The following ZNF705G variants were observed in gnomAD, a reference collection of about 807,000 sequenced individuals.
ZNF705G encodes the protein putative zinc finger protein 705G.
A neutral mutation model predicts 19.6 loss-of-function variants in ZNF705G; 23 were observed. The ratio of observed to expected loss-of-function variants is 1.17; its 90% confidence interval spans 0.84 to 1.66. The LOEUF (loss-of-function observed/expected upper bound fraction) is 1.66, where lower values mean the gene tolerates loss of function less well. Ranked by LOEUF, ZNF705G falls within the 40% of genes most tolerant of loss-of-function variation. The probability of loss-of-function intolerance (pLI) is 0.00; values close to 1 mark genes in which losing one functional copy is unlikely to be tolerated. For missense variants in ZNF705G, 457 were observed against 354.4 expected (o/e 1.29, Z -2.32); for synonymous variants, 146 against 117.7 (o/e 1.24, Z -1.56).
At chr8:7,385,085 G>A (rs1249642899) in intron 1 of ZNF705G, among the ~76,000 whole-genome samples, 1 of 147,584 alleles carries the variant, frequency 6.8e-6, no homozygotes, top group South Asian at 2.1e-4. Flanking sequence ...GTGTTTGACA[G>A]CAATAGAGCT....
chr8:7,375,971 A>G lies in ZNF705G; in HGVS notation c.-72+5481T>C, dbSNP rs1178959264. Among the ~76,000 whole-genome samples the G allele has an allele frequency of 7.2e-5, 6 of 83,202 alleles. 3 individuals are homozygous for G. The highest frequency in any genetic ancestry group is 1.4e-4 in the Non-Finnish European group (6 of 43,960). 54.6% of individuals were successfully genotyped at this position (83,202 alleles called of 152,430 possible). A position where few individuals can be genotyped will look rare whatever the true frequency, so the allele number is the denominator to read the frequency against. ...AGGTCAGTGGTTCATCCTCTACACT[A>G]TACTAATCTCTTATGACTCTTCCAG... On this transcript the variant is annotated intron_variant, in intron 2 of 6. Coordinates refer to ENST00000400156, the MANE Select transcript of ZNF705G (RefSeq NM_001164457.3).
rs972444325 is a variant in ZNF705G, at chr8:7,371,059, G to C, written c.-71-8042C>G. 2.2e-5 allele frequency among the ~76,000 whole-genome samples: 3 copies of C among 139,038 alleles called. No individual in the cohort carries two copies. The South Asian group carries it at 7.3e-4, about 34-fold the overall frequency. 91.2% of individuals were successfully genotyped at this position (139,038 alleles called of 152,430 possible). A position where few individuals can be genotyped will look rare whatever the true frequency, so the allele number is the denominator to read the frequency against. On this transcript the variant is annotated intron_variant, in intron 2 of 6. Transcript: ENST00000400156. ...AGGGGAACAACACACACTGGGGCCT[G>C]TTGGGAGGCAGGTGGAGGGAGAGTA... is the stretch of plus-strand genomic sequence containing the variant.
At chr8:7,385,076 T>G (rs2128850465) in intron 1 of ZNF705G, among the ~76,000 whole-genome samples, 1 of 147,684 alleles carries the variant, frequency 6.8e-6, no homozygotes, top group South Asian at 2.1e-4. Context: ...TAGTTCTGTG[T>G]GTTTGACAGC....
At chr8:7,361,706 C>G (rs1432305277) in intron 3 of ZNF705G, among the ~76,000 whole-genome samples, 3 of 149,534 alleles carry the variant, frequency 2.0e-5, no homozygotes, top group African/African-American at 7.7e-5. Context: ...GGTTAAAAGA[C>G]CTATGATGTG....
intron 2 of ZNF705G, among the ~76,000 whole-genome samples, chr8:7,365,649 C>T (rs763459454): frequency 6.7e-6 from 1 of 149,386 alleles, no homozygotes; most frequent in Admixed American, 6.6e-5. Flanking sequence ...GGATTACAGG[C>T]GTGAGCCACC....
rs887888299 is a variant in ZNF705G, at chr8:7,361,874, G to C, written c.13-638C>G. ...TGAACAAGCTTTATGCAGAATATAG[G>C]ATTCAATTCATATATATAGTCTCTC... is the stretch of plus-strand genomic sequence containing the variant. On this transcript the variant is annotated intron_variant, in intron 3 of 6. Coordinates refer to ENST00000400156, the MANE Select transcript of ZNF705G (RefSeq NM_001164457.3). Among the ~76,000 whole-genome samples, 6 of 149,580 alleles carry C rather than the reference G, an allele frequency of 4.0e-5. 1 individual carries two copies. The highest frequency in any genetic ancestry group is 1.5e-4 in the African/African-American group (6 of 38,998).
At chr8:7,365,936 G>A (rs1183080385) in intron 2 of ZNF705G, among the ~76,000 whole-genome samples, 2 of 149,194 alleles carry the variant, frequency 1.3e-5, no homozygotes, top group Admixed American at 6.6e-5. Flanking sequence ...CTTTAATTCA[G>A]AACTGCAGTC....
At chr8:7,362,727 C>G (rs1220878496) in intron 3 of ZNF705G, among the ~76,000 whole-genome samples, 1 of 149,300 alleles carries the variant, frequency 6.7e-6, no homozygotes. Flanking sequence ...GATACCCAAC[C>G]TAGAGTCCTG....
chr8:7,366,439 A>C (rs1243134608), intron 2 of ZNF705G, among the ~76,000 whole-genome samples: 3 of 149,750 alleles, frequency 2.0e-5, no homozygotes, highest in Admixed American at 1.3e-4. Flanking sequence ...TAAAAAAAGG[A>C]ATATGCAACA....
At position 7,357,527 on chromosome 8, in the gene ZNF705G, G is replaced by A. The variant is rs1480063081; in HGVS notation, c.*449C>T. The A allele has an allele frequency of 7.8e-5, 16 of 204,114 alleles. No homozygotes were observed. Among genetic ancestry groups the A allele is most frequent in the Admixed American group, 7.8e-4 (15 of 19,296 alleles). The allele number at this position is 204,114 out of a possible 1,614,324, so 12.6% of individuals were successfully genotyped here. A position where few individuals can be genotyped will look rare whatever the true frequency, so the allele number is the denominator to read the frequency against. ...AGAGTTAGAGATTCTCTACCTGAAAGTCCCACATGTTTTAAGTTATAGCTG... is the reference window on the plus strand; with the variant it reads ...AGAGTTAGAGATTCTCTACCTGAAAATCCCACATGTTTTAAGTTATAGCTG... On this transcript the variant is annotated 3_prime_UTR_variant, in exon 7 of 7. Transcript: ENST00000400156.
intron 5 of ZNF705G, 64 bp from the exon 6 acceptor site, chr8:7,359,765 C>A: frequency 6.2e-7 from 1 of 1,601,892 alleles, no homozygotes; most frequent in South Asian, 1.1e-5. Flanking sequence ...TTGAAAAGCC[C>A]CAAAGCCCAC....
intron 3 of ZNF705G, among the ~76,000 whole-genome samples, chr8:7,362,364 A>C (rs1806642769): frequency 6.7e-6 from 1 of 149,720 alleles, no homozygotes; most frequent in South Asian, 2.1e-4. Context: ...AAGCTCAAAT[A>C]CATTTTATCA....
At position 7,365,436 on chromosome 8, in the gene ZNF705G, T is replaced by C. The variant is rs536895595; in HGVS notation, c.-71-2419A>G. 5.6e-5 allele frequency among the ~76,000 whole-genome samples: 8 copies of C among 143,996 alleles called. No individual in the cohort carries two copies. The South Asian group carries it at 1.3e-3, about 23-fold the overall frequency. 94.5% of individuals were successfully genotyped at this position (143,996 alleles called of 152,430 possible). On this transcript the variant is annotated intron_variant, in intron 2 of 6. Coordinates refer to ENST00000400156, the MANE Select transcript of ZNF705G (RefSeq NM_001164457.3). ...TCTTGTTGCCCAGGCTGGAGTGCAG[T>C]GGCGCGATCTCGGCTCACCGCAACC...
intron 2 of ZNF705G, among the ~76,000 whole-genome samples, chr8:7,380,085 G>C (rs1380706775): frequency 7.0e-6 from 1 of 143,752 alleles, no homozygotes; most frequent in Admixed American, 6.7e-5. Flanking sequence ...CCATTCACTA[G>C]GGAGGCTGCC....
At position 7,361,245 on chromosome 8, in the gene ZNF705G, T is replaced by A; in HGVS notation, c.13-9A>T. On this transcript the variant is annotated splice_polypyrimidine_tract_variant and intron_variant, in intron 3 of 6. Coordinates refer to ENST00000400156, the MANE Select transcript of ZNF705G (RefSeq NM_001164457.3). ...TCAAAAGTCAGTTTCTTCTAAAACA[T>A]CACAGACATTTTAGTTTAGACAGAG... The A allele has an allele frequency of 6.3e-7, 1 of 1,592,582 alleles. No individual in the cohort carries two copies. Among genetic ancestry groups the A allele is most frequent in the South Asian group, 1.1e-5 (1 of 90,710 alleles).
At chr8:7,370,537 G>C (rs564026139) in intron 2 of ZNF705G, among the ~76,000 whole-genome samples, 1 of 147,858 alleles carries the variant, frequency 6.8e-6, no homozygotes, top group Non-Finnish European at 1.5e-5. Context: ...CAGTATGAAG[G>C]TTTCTCAAAA....
At chr8:7,382,297 G>T (rs1291748640) in intron 1 of ZNF705G, among the ~76,000 whole-genome samples, 2 of 147,880 alleles carry the variant, frequency 1.4e-5, no homozygotes, top group Non-Finnish European at 2.9e-5. Context: ...TCCATCTATG[G>T]ACTCATGATT....
intron 2 of ZNF705G, among the ~76,000 whole-genome samples, chr8:7,370,228 G>T (rs1458119682): frequency 5.5e-5 from 8 of 146,218 alleles, no homozygotes; most frequent in Admixed American, 4.0e-4. Flanking sequence ...CCGAGATCAC[G>T]CCACTGCACT....
rs561097800 is a variant in ZNF705G at position 7,382,367 on chromosome 8, G to A, written c.-221-766C>T. Among the ~76,000 whole-genome samples, 82 of 146,822 alleles carry A rather than the reference G, an allele frequency of 5.6e-4. 1 individual carries two copies. In the South Asian group the frequency reaches 0.016, roughly 29 times the overall value. On this transcript the variant is annotated intron_variant, in intron 1 of 6. Transcript: ENST00000400156. ...TCTTCACAATAATTTTGCATTTTCT[G>A]GTGGATTTTCATTTCTGCTTATGGC...
Sources: gnomAD v4.1 joint callset for allele counts (sites outside exome capture counted in the v4.1 genomes callset) on GRCh38, gnomAD v4.1.1 for gene constraint, MANE v1.5 for transcripts, NCBI Gene and HGNC (gene_info 2026-07-23, HGNC 2026-07-21) for gene names.